CSGALNACT1: variants seen among roughly 807,000 people sequenced by gnomAD.
CSGALNACT1 encodes the protein chondroitin sulfate N-acetylgalactosaminyltransferase 1.
A neutral mutation model predicts 51.0 loss-of-function variants in CSGALNACT1; 52 were observed. The ratio of observed to expected loss-of-function variants is 1.02; its 90% CI spans 0.82 to 1.29. The LOEUF is 1.29. Among genes scored for constraint, CSGALNACT1 ranks in the 50% most tolerant of loss-of-function variants. CSGALNACT1 has a pLI of 0.00. For synonymous variants in CSGALNACT1, 341 were observed against 254.4 expected (o/e 1.34, Z -3.24); for missense variants, 935 against 679.2 (o/e 1.38, Z -4.19).
At chr8:19,593,937 T>C (rs926728866) in intron 2 of CSGALNACT1, among the ~76,000 whole-genome samples, 5 of 152,116 alleles carry the variant, frequency 3.3e-5, no homozygotes, top group South Asian at 2.1e-4. Context: ...CTAGGCTGCT[T>C]CAGGATGGAA....
chr8:19,576,575 A>G (rs535186488), intron 3 of CSGALNACT1, among the ~76,000 whole-genome samples: 2 of 145,506 alleles, frequency 1.4e-5, no homozygotes, highest in Non-Finnish European at 3.0e-5. Flanking sequence ...GATGATATGG[A>G]TGGAGACCCC....
At chr8:19,461,289 C>G (rs1338619620) in intron 4 of CSGALNACT1, among the ~76,000 whole-genome samples, 2 of 152,224 alleles carry the variant, frequency 1.3e-5, no homozygotes, top group African/African-American at 4.8e-5. Context: ...GAATGTAGTG[C>G]TCACTGAGGC....
At chr8:19,480,865 TC>T (rs1389324392) in intron 4 of CSGALNACT1, among the ~76,000 whole-genome samples, 1 of 152,186 alleles carries the variant, frequency 6.6e-6, no homozygotes, top group African/African-American at 2.4e-5. Flanking sequence ...ATTTCTTCTT[TC>T]TAAACAGTTA....
At chr8:19,578,122 G>A (rs529689963) in intron 3 of CSGALNACT1, among the ~76,000 whole-genome samples, 2 of 152,192 alleles carry the variant, frequency 1.3e-5, no homozygotes, top group Middle Eastern at 3.2e-3. Flanking sequence ...GGCACCGCAG[G>A]TCGTCCCTGA....
At chr8:19,692,093 C>A (rs2061357668) in intron 1 of CSGALNACT1, among the ~76,000 whole-genome samples, 1 of 152,134 alleles carries the variant, frequency 6.6e-6, no homozygotes, top group Non-Finnish European at 1.5e-5. Context: ...GGAAAACCAT[C>A]AGATATCCTG....
chr8:19,421,874 C>CT (rs2058007128), intron 6 of CSGALNACT1, among the ~76,000 whole-genome samples: 1 of 152,088 alleles, frequency 6.6e-6, no homozygotes, highest in Non-Finnish European at 1.5e-5. Context: ...AGATTTGGAT[C>CT]AGGTTAGGAG....
intron 1 of CSGALNACT1, among the ~76,000 whole-genome samples, chr8:19,700,980 G>A (rs975720928): frequency 2.0e-5 from 3 of 152,020 alleles, no homozygotes; most frequent in Non-Finnish European, 4.4e-5. Context: ...AAGTCCTTAG[G>A]TGGGGTTTGC....
chr8:19,505,805 C>T (rs775732600), exon 4 of CSGALNACT1: 4 of 1,613,292 alleles, frequency 2.5e-6, no homozygotes, highest in Non-Finnish European at 3.4e-6. Flanking sequence ...GGGAAATCCA[C>T]GCAAGCAGCC....
intron 8 of CSGALNACT1, among the ~76,000 whole-genome samples, chr8:19,416,995 G>A (rs1002339625): frequency 1.3e-5 from 2 of 152,040 alleles, no homozygotes; most frequent in Non-Finnish European, 2.9e-5. Context: ...AGCTGGGACT[G>A]TAGGTGTGTG....
intron 5 of CSGALNACT1, among the ~76,000 whole-genome samples, chr8:19,441,021 G>C (rs1179904905): frequency 6.6e-6 from 1 of 152,018 alleles, no homozygotes; most frequent in Non-Finnish European, 1.5e-5. Flanking sequence ...GGAATATGAA[G>C]GACCTCTTCA....
chr8:19,534,818 G>T (rs1253629387), intron 3 of CSGALNACT1, among the ~76,000 whole-genome samples: 1 of 152,138 alleles, frequency 6.6e-6, no homozygotes, highest in Non-Finnish European at 1.5e-5. Flanking sequence ...AACTAATCTT[G>T]CATTTGGCAA....
At chr8:19,679,237 G>C (rs1395085138) in intron 1 of CSGALNACT1, among the ~76,000 whole-genome samples, 2 of 152,108 alleles carry the variant, frequency 1.3e-5, no homozygotes, top group Non-Finnish European at 2.9e-5. Context: ...TGGATCGCTT[G>C]AGCTCAGGAG....
At chr8:19,438,509 G>T (rs1252888706) in intron 6 of CSGALNACT1, among the ~76,000 whole-genome samples, 1 of 152,130 alleles carries the variant, frequency 6.6e-6, no homozygotes, top group Non-Finnish European at 1.5e-5. Flanking sequence ...TTAGACACAG[G>T]CCATAGCTTT....
intron 1 of CSGALNACT1, among the ~76,000 whole-genome samples, chr8:19,746,044 G>A (rs974258094): frequency 3.3e-5 from 5 of 152,244 alleles, no homozygotes; most frequent in Non-Finnish European, 5.9e-5. Context: ...GGAGACCTGA[G>A]GGTTGGTTTT....
intron 6 of CSGALNACT1, among the ~76,000 whole-genome samples, chr8:19,438,773 G>A (rs2060813100): frequency 6.6e-6 from 1 of 152,208 alleles, no homozygotes; most frequent in Non-Finnish European, 1.5e-5. Context: ...CCAGTGGGCT[G>A]TAGTTTGCTG....
chr8:19,724,105 C>T (rs1236847456), intron 1 of CSGALNACT1, among the ~76,000 whole-genome samples: 4 of 152,088 alleles, frequency 2.6e-5, no homozygotes, highest in Admixed American at 1.3e-4. Flanking sequence ...AAGCTGAGCA[C>T]GAGTTGTCCA....
chr8:19,501,083 C>T lies in CSGALNACT1; in HGVS notation c.634+4118G>A, dbSNP rs2076335832. ...TGGCCAACATGGGGAAAGCCCATCT[C>T]TACTAAAAATACAAAAATTAACCAA... is the stretch of plus-strand genomic sequence containing the variant. On this transcript the variant is annotated intron_variant, in intron 4 of 9. Coordinates refer to ENST00000454498, the Ensembl canonical transcript of CSGALNACT1. Among the ~76,000 whole-genome samples the T allele has an allele frequency of 1.3e-5, 2 of 151,540 alleles. 1 individual carries two copies. Among genetic ancestry groups the T allele is most frequent in the South Asian group, 4.2e-4 (2 of 4,808 alleles).
upstream of CSGALNACT1, among the ~76,000 whole-genome samples, chr8:19,686,669 G>A: frequency 6.6e-6 from 1 of 152,208 alleles, no homozygotes; most frequent in East Asian, 1.9e-4. Flanking sequence ...CTGCAAACTG[G>A]AGCTTTTCAC....
At chr8:19,471,448 G>A (rs3185) in intron 4 of CSGALNACT1, among the ~76,000 whole-genome samples, 1 of 151,836 alleles carries the variant, frequency 6.6e-6, no homozygotes, top group African/African-American at 2.4e-5. Flanking sequence ...TCAAGTGAAT[G>A]TTCCTTTCGT....
Sources: gnomAD v4.1 joint callset for allele counts (sites outside exome capture counted in the v4.1 genomes callset) on GRCh38, gnomAD v4.1.1 for gene constraint, MANE v1.5 for transcripts, NCBI Gene and HGNC (gene_info 2026-07-23, HGNC 2026-07-21) for gene names.